SLC6A15: variants seen among roughly 807,000 people sequenced by gnomAD.
The protein encoded by SLC6A15 is solute carrier family 6 member 15.
In SLC6A15, 33 loss-of-function variants were observed where a neutral mutation model predicts 68.5. The ratio of observed to expected loss-of-function variants is 0.48; its 90% CI spans 0.37 to 0.64. The LOEUF (loss-of-function observed/expected upper bound fraction) is 0.64. Ranked by LOEUF, SLC6A15 falls within the 30% of genes least tolerant of loss-of-function variation. The pLI is 0.00. For synonymous variants in SLC6A15, 347 were observed against 301.0 expected (o/e 1.15, Z -1.58); for missense variants, 747 against 874.3 (o/e 0.85, Z 1.84).
Position 84,870,658 on chromosome 12 carries a change from T to C in SLC6A15, c.1315A>G (p.Thr439Ala). ...GTAAAGGCAATAAAAGCTAAGCCGG[T>C]CCCCTGAACAGCCTGCAAAATACAC... ...EEELNKAVQG[T>A]GLAFIAFTEA... The change falls in exon 9 of 12, where the codon ACC becomes GCC. Residue 439 changes from threonine to alanine, a missense_variant. Coordinates refer to ENST00000266682, the MANE Select transcript of SLC6A15 (RefSeq NM_182767.6). The C allele has an allele frequency of 6.2e-7, 1 of 1,608,846 alleles. No individual in the cohort carries two copies.
chr12:84,890,113 A>T (rs1426370920), intron 2 of SLC6A15, among the ~76,000 whole-genome samples: 1 of 152,190 alleles, frequency 6.6e-6, no homozygotes, highest in Non-Finnish European at 1.5e-5. Context: ...TTGGTACTGT[A>T]ACAACCATTC....
At position 84,861,912 on chromosome 12, in the gene SLC6A15, A is replaced by G. The variant is rs375002170; in HGVS notation, c.1913T>C (p.Ile638Thr). 6.2e-6 allele frequency: 10 copies of G among 1,613,924 alleles called. No homozygotes were observed. The highest frequency in any genetic ancestry group is 8.5e-6 in the Non-Finnish European group (10 of 1,179,936). The change falls in exon 12 of 12, where the codon ATT becomes ACT. Residue 638 changes from isoleucine (I) to threonine (T), a missense_variant. Ile to Thr is a moderately conservative substitution (Grantham distance 89). Transcript: ENST00000266682. The stretch of plus-strand genomic sequence containing the variant: ...ATCTATAAGGTTGAAGCGACGAACA[A>G]TGAAAACTACAGGGACTGGGAGTAT... ...FAILPVPVVF[I>T]VRRFNLIDDS...
At chr12:84,888,240 G>A (rs1435368271) in intron 2 of SLC6A15, among the ~76,000 whole-genome samples, 14 of 123,788 alleles carry the variant, frequency 1.1e-4, no homozygotes, top group Admixed American at 2.4e-4. Flanking sequence ...CTCCAGTCTC[G>A]GTGACAGAGT....
intron 5 of SLC6A15, chr12:84,883,176 G>A (rs1436986493): frequency 6.3e-5 from 61 of 974,790 alleles, no homozygotes; most frequent in East Asian, 1.2e-4. Flanking sequence ...AAAGTAATAC[G>A]AAAGCAAAAT....
chr12:84,912,704 G>T lies in SLC6A15; in HGVS notation c.-370C>A. ...GGGTTTTGGGGGTCGCCGCCCTGCA[G>T]GCTGGCAAGGAGAGACTCGTGAGCG... On this transcript the variant is annotated 5_prime_UTR_variant, in exon 1 of 12. The change creates a new upstream start codon in the 5' untranslated region. Coordinates refer to ENST00000266682, the MANE Select transcript of SLC6A15 (RefSeq NM_182767.6). 6.5e-6 allele frequency: 1 copy of T among 152,786 alleles called. No homozygotes were observed. Among genetic ancestry groups the T allele is most frequent in the Non-Finnish European group, 1.5e-5 (1 of 68,448 alleles). The allele number at this position is 152,786 out of a possible 1,614,324, so 9.5% of individuals were successfully genotyped here.
chr12:84,877,152 G>T (rs1871585252), intron 5 of SLC6A15, among the ~76,000 whole-genome samples: 2 of 152,110 alleles, frequency 1.3e-5, no homozygotes, highest in Admixed American at 1.3e-4. Flanking sequence ...ATTTATAATA[G>T]AAAAGGAAGT....
At chr12:84,912,291 C>G (rs1474043616) in intron 1 of SLC6A15, among the ~76,000 whole-genome samples, 1 of 152,156 alleles carries the variant, frequency 6.6e-6, no homozygotes, top group African/African-American at 2.4e-5. Flanking sequence ...GCCTGTCGCC[C>G]CCCACCCTGA....
At chr12:84,882,393 T>C in intron 5 of SLC6A15, 1 of 974,616 alleles carries the variant, frequency 1.0e-6, no homozygotes, top group Non-Finnish European at 1.2e-6. Flanking sequence ...TAAAGATATT[T>C]AGATGTGTTA....
intron 10 of SLC6A15, 120 bp downstream of exon 10, chr12:84,866,914 A>AT (rs1232835375): frequency 5.5e-6 from 5 of 909,744 alleles, no homozygotes; most frequent in Non-Finnish European, 7.7e-6. Flanking sequence ...AAAAGGTTTG[A>AT]TTTTTTAAAG....
At chr12:84,867,229 A>G (rs756584114) in intron 9 of SLC6A15, 36 bp from the exon 10 acceptor site, 4 of 1,523,572 alleles carry the variant, frequency 2.6e-6, no homozygotes, top group East Asian at 2.3e-5. Flanking sequence ...ATGAGACTCT[A>G]TTCAGAGACA....
chr12:84,910,924 T>TCTCTCTCTCTCTCTCTCTC (rs1873406258), intron 1 of SLC6A15, among the ~76,000 whole-genome samples: 3 of 134,602 alleles, frequency 2.2e-5, no homozygotes, highest in Admixed American at 7.0e-5. Context: ...AGCCGCCCTC[T>TCTCTCTCTCTCTCTCTCTC]TTCCGTGTGT....
intron 8 of SLC6A15, among the ~76,000 whole-genome samples, chr12:84,871,329 G>T (rs1220109114): frequency 6.7e-6 from 1 of 149,830 alleles, no homozygotes; most frequent in East Asian, 1.9e-4. Flanking sequence ...AAAAAAAGTT[G>T]GGCTGATATA....
intron 5 of SLC6A15, chr12:84,883,087 A>C: frequency 1.0e-6 from 1 of 985,042 alleles, no homozygotes; most frequent in Middle Eastern, 5.2e-4. Flanking sequence ...AAGAGCCAAC[A>C]GTAAATTCTT....
At chr12:84,885,119 T>A (rs1299554200) in intron 4 of SLC6A15, among the ~76,000 whole-genome samples, 1 of 151,990 alleles carries the variant, frequency 6.6e-6, no homozygotes, top group South Asian at 2.1e-4. Flanking sequence ...TTTCTGTTAG[T>A]TTTAATGAAA....
chr12:84,878,152 G>A (rs908197774), intron 5 of SLC6A15, among the ~76,000 whole-genome samples: 2 of 151,886 alleles, frequency 1.3e-5, no homozygotes, highest in South Asian at 2.1e-4. Flanking sequence ...ACACCTTAAG[G>A]AAAAAATATG....
rs749403520 is a variant in SLC6A15, at chr12:84,883,998, TA to T, written c.616del (p.Tyr206ThrfsTer7). 6.2e-7 allele frequency: 1 copy of T among 1,614,178 alleles called. No individual in the cohort carries two copies. The highest frequency in any genetic ancestry group is 1.1e-5 in the South Asian group (1 of 91,078). On this transcript the variant is annotated frameshift_variant, in exon 5 of 12. Coordinates refer to ENST00000266682, the MANE Select transcript of SLC6A15 (RefSeq NM_182767.6). LOFTEE classifies it high-confidence loss of function. ...AATATTCAGTGCTTCCCTGTACCAG[TA>T]ATAGGTGGTGGCAGAACTTTGTTCA... The part of the protein sequence containing the change: ...ECEQSSATTY[Y>X]WYREALNISS...
Position 84,861,154 on chromosome 12 carries a change from A to C in SLC6A15, c.*478T>G, listed in dbSNP as rs1870828829. ...GCCTAAGAAGGTGTCAATGCTACCA[A>C]AATCAATACAGCCTATCTACATAAT... On this transcript the variant is annotated 3_prime_UTR_variant, in exon 12 of 12. Coordinates refer to ENST00000266682, the MANE Select transcript of SLC6A15 (RefSeq NM_182767.6). The C allele has an allele frequency of 6.6e-6, 1 of 152,670 alleles. No homozygotes were observed. Among genetic ancestry groups the C allele is most frequent in the Non-Finnish European group, 1.5e-5 (1 of 68,406 alleles). 9.5% of individuals were successfully genotyped at this position (152,670 alleles called of 1,614,324 possible).
chr12:84,886,114 G>A (rs1244748863), intron 2 of SLC6A15, 46 bp from the exon 3 acceptor site: 2 of 1,307,468 alleles, frequency 1.5e-6, no homozygotes, highest in East Asian at 2.3e-5. Context: ...CAATACAGTA[G>A]AAAATACACT....
chr12:84,885,218 C>T (rs1419725084), intron 4 of SLC6A15, among the ~76,000 whole-genome samples: 2 of 152,118 alleles, frequency 1.3e-5, no homozygotes, highest in African/African-American at 2.4e-5. Flanking sequence ...TATCTTAGGG[C>T]ATAGTAAAGT....
Sources: allele counts gnomAD v4.1 joint callset (sites outside exome capture counted in the v4.1 genomes callset), GRCh38; gene constraint gnomAD v4.1.1; transcripts MANE v1.5; gene names NCBI Gene and HGNC (gene_info 2026-07-23, HGNC 2026-07-21).